The following AKAIN1 variants were observed in gnomAD, a reference collection of about 807,000 sequenced individuals.
The protein encoded by AKAIN1 is A-kinase anchor inhibitor 1, also known as A-kinase anchor protein inhibitor 1.
Under a neutral mutation model 3.7 loss-of-function variants are expected in AKAIN1, and 3 were observed. The ratio of observed to expected loss-of-function variants is 0.82; its 90% CI spans 0.37 to 2.12. AKAIN1 has a LOEUF of 2.12. Among genes scored for constraint, AKAIN1 ranks in the 30% most tolerant of loss-of-function variants. The pLI, the probability that AKAIN1 is intolerant of heterozygous loss-of-function variation, is 0.06. For synonymous variants in AKAIN1, 31 were observed against 30.8 expected (o/e 1.01, Z -0.02); for missense variants, 82 against 82.7 (o/e 0.99, Z 0.03).
At position 5,197,094 on chromosome 18, in the gene AKAIN1, G is replaced by A; in HGVS notation, c.-41C>T. On this transcript the variant is annotated 5_prime_UTR_variant, in exon 1 of 2. Transcript: ENST00000434239. The surrounding 1 kb of genome is among the most constrained non-coding windows in gnomAD (Gnocchi z 6.9). ...CTACGCCCCCAGATTAAGAGAGAAA[G>A]ACAGGCAGACGGAGGATGGGAAGAA... is the stretch of plus-strand genomic sequence containing the variant. 6.4e-7 allele frequency: 1 copy of A among 1,551,138 alleles called. No individual in the cohort carries two copies. The highest frequency in any genetic ancestry group is 8.7e-7 in the Non-Finnish European group (1 of 1,146,882).
chr18:5,197,515 A>AAACTCTAAG, upstream of AKAIN1: 1 of 1,224,556 alleles, frequency 8.2e-7, no homozygotes, highest in Non-Finnish European at 1.0e-6. The surrounding 1 kb of genome is among the most constrained non-coding windows in gnomAD (Gnocchi z 6.9). Flanking sequence ...AAAAAAAAAA[A>AAACTCTAAG]ACTCTAAGAG....
rs2071042137 is a variant in AKAIN1, at chr18:5,145,291, TTAAAAA to T, written c.*265_*270del. The T allele has an allele frequency of 6.4e-6, 2 of 313,954 alleles. No homozygotes were observed. The highest frequency in any genetic ancestry group is 2.2e-4 in the South Asian group (2 of 9,196). The allele number at this position is 313,954 out of a possible 1,614,324, so 19.4% of individuals were successfully genotyped here. On this transcript the variant is annotated 3_prime_UTR_variant, in exon 2 of 2. Coordinates refer to ENST00000434239, the MANE Select transcript of AKAIN1 (RefSeq NM_001145194.2). The stretch of plus-strand genomic sequence containing the variant: ...ATTCTTTTTTTCAAATAAAAGAACT[TTAAAAA>T]TAAATTGGCCTGCAAAACTACTTTT...
At chr18:5,179,955 C>T (rs1218116124) in intron 1 of AKAIN1, among the ~76,000 whole-genome samples, 1 of 152,134 alleles carries the variant, frequency 6.6e-6, no homozygotes, top group Non-Finnish European at 1.5e-5. Flanking sequence ...CCAGCACTCA[C>T]AAACAGAGCC....
intron 1 of AKAIN1, among the ~76,000 whole-genome samples, chr18:5,145,995 A>G (rs1045916054): frequency 6.6e-5 from 10 of 152,212 alleles, no homozygotes; most frequent in African/African-American, 2.4e-4. Flanking sequence ...TAATCTACAC[A>G]CATCCTCCCA....
intron 1 of AKAIN1, chr18:5,163,872 G>A (rs2071153327): frequency 6.6e-6 from 1 of 152,062 alleles, no homozygotes; most frequent in Admixed American, 6.6e-5. Context: ...TGTGTGTTCA[G>A]AAGGCTGAAC....
intron 1 of AKAIN1, among the ~76,000 whole-genome samples, chr18:5,164,303 G>T (rs950672350): frequency 1.3e-5 from 2 of 152,012 alleles, no homozygotes; most frequent in African/African-American, 4.8e-5. Context: ...GCCTTAACAG[G>T]CCAGAATTCA....
At chr18:5,185,766 T>C (rs2071283739) in intron 1 of AKAIN1, among the ~76,000 whole-genome samples, 1 of 152,160 alleles carries the variant, frequency 6.6e-6, no homozygotes, top group Middle Eastern at 3.2e-3. Context: ...AGTTCAGCCA[T>C]TGTGGAAAGC....
At chr18:5,167,806 A>G (rs569755231) in intron 1 of AKAIN1, among the ~76,000 whole-genome samples, 1 of 152,064 alleles carries the variant, frequency 6.6e-6, no homozygotes, top group Admixed American at 6.6e-5. Flanking sequence ...GCAGTGCTCT[A>G]TGCCATTCTT....
intron 1 of AKAIN1, among the ~76,000 whole-genome samples, chr18:5,165,725 C>T (rs2071164234): frequency 6.6e-6 from 1 of 152,066 alleles, no homozygotes; most frequent in Non-Finnish European, 1.5e-5. Flanking sequence ...GTGTAGGCCT[C>T]ATGTATCACC....
chr18:5,183,808 C>A (rs2071272514), intron 1 of AKAIN1, among the ~76,000 whole-genome samples: 1 of 151,988 alleles, frequency 6.6e-6, no homozygotes, highest in Non-Finnish European at 1.5e-5. Flanking sequence ...AAATACACAA[C>A]CTTGTTTAAT....
At chr18:5,167,739 G>A (rs780446390) in intron 1 of AKAIN1, among the ~76,000 whole-genome samples, 6 of 152,032 alleles carry the variant, frequency 3.9e-5, no homozygotes, top group Non-Finnish European at 8.8e-5. Flanking sequence ...GTTGGTGCCA[G>A]TATAGACACC....
At chr18:5,150,326 C>A (rs1283970076) in intron 1 of AKAIN1, among the ~76,000 whole-genome samples, 1 of 152,240 alleles carries the variant, frequency 6.6e-6, no homozygotes, top group Non-Finnish European at 1.5e-5. Context: ...CTCAAAGACT[C>A]ACCATTGATT....
At chr18:5,185,345 A>G (rs2071280869) in intron 1 of AKAIN1, among the ~76,000 whole-genome samples, 1 of 152,100 alleles carries the variant, frequency 6.6e-6, no homozygotes, top group African/African-American at 2.4e-5. Flanking sequence ...ATTGACAAAC[A>G]TGACCTAATT....
At chr18:5,192,917 C>CA (rs2071330051) in intron 1 of AKAIN1, among the ~76,000 whole-genome samples, 1 of 151,892 alleles carries the variant, frequency 6.6e-6, no homozygotes, top group Middle Eastern at 3.2e-3. Context: ...AACTCTATGC[C>CA]AAAAAAGCCA....
intron 1 of AKAIN1, among the ~76,000 whole-genome samples, chr18:5,186,781 CAT>C (rs1393027852): frequency 6.6e-6 from 1 of 152,132 alleles, no homozygotes; most frequent in Non-Finnish European, 1.5e-5. Context: ...AGATAGACCA[CAT>C]TCTGGCTTAT....
chr18:5,182,330 A>G (rs1035533105), intron 1 of AKAIN1, among the ~76,000 whole-genome samples: 3 of 152,062 alleles, frequency 2.0e-5, no homozygotes, highest in East Asian at 3.9e-4. Flanking sequence ...GCACATTATT[A>G]GTTATTCCTC....
chr18:5,158,926 G>A (rs1598306999), intron 1 of AKAIN1, among the ~76,000 whole-genome samples: 2 of 152,146 alleles, frequency 1.3e-5, no homozygotes, highest in Non-Finnish European at 2.9e-5. Flanking sequence ...AATTTTTGAA[G>A]TGGATAAATG....
At chr18:5,182,899 T>C (rs1237167354) in intron 1 of AKAIN1, among the ~76,000 whole-genome samples, 1 of 152,070 alleles carries the variant, frequency 6.6e-6, no homozygotes, top group Non-Finnish European at 1.5e-5. Flanking sequence ...GAGAAGAGCA[T>C]CTTATATCCT....
intron 1 of AKAIN1, among the ~76,000 whole-genome samples, chr18:5,185,704 G>A (rs1470212360): frequency 6.6e-6 from 1 of 152,092 alleles, no homozygotes; most frequent in East Asian, 1.9e-4. Flanking sequence ...AGATGCTGGT[G>A]AGGTTTCAGA....
Sources: gnomAD v4.1 joint callset for allele counts (sites outside exome capture counted in the v4.1 genomes callset) on GRCh38, gnomAD v4.1.1 for gene constraint, Gnocchi (gnomAD v3.1) non-coding constraint, MANE v1.5 for transcripts, NCBI Gene and HGNC (gene_info 2026-07-23, HGNC 2026-07-21) for gene names.